Variants in ARNT2 observed in about 807,000 individuals in gnomAD.
The protein encoded by ARNT2 is ARNT protein 2.
A neutral mutation model predicts 91.7 loss-of-function variants in ARNT2; 36 were observed. The ratio of observed to expected loss-of-function variants is 0.39; its 90% confidence interval spans 0.30 to 0.52. The LOEUF (loss-of-function observed/expected upper bound fraction) is 0.52, where lower values mean the gene tolerates loss of function less well. ARNT2 is among the 20% of genes least tolerant of loss of function. The probability of loss-of-function intolerance (pLI) is 0.72; values close to 1 mark genes in which losing one functional copy is unlikely to be tolerated. For synonymous variants in ARNT2, 365 were observed against 347.1 expected, an observed-to-expected ratio of 1.05 and a Z score of -0.57; for missense variants, 775 against 939.3, an observed-to-expected ratio of 0.83 and a Z score of 2.29.
chr15:80,566,434 C>G (rs1366211162), intron 12 of ARNT2, among the ~76,000 whole-genome samples: 2 of 152,210 alleles, frequency 1.3e-5, no homozygotes, highest in Non-Finnish European at 2.9e-5. Context: ...TTCTTCATCT[C>G]CCTGCACGTC....
chr15:80,463,454 A>C (rs1896590912), intron 3 of ARNT2, among the ~76,000 whole-genome samples: 2 of 152,180 alleles, frequency 1.3e-5, no homozygotes, highest in South Asian at 2.1e-4. Context: ...GCTTATGAGC[A>C]ACTAAAGTTG....
intron 15 of ARNT2, among the ~76,000 whole-genome samples, chr15:80,578,061 G>A (rs1000490386): frequency 4.5e-4 from 69 of 151,808 alleles, no homozygotes; most frequent in Non-Finnish European, 5.0e-4. Flanking sequence ...TACTCAGCAC[G>A]CACTGACCGA....
At chr15:80,548,367 A>G (rs993668112) in intron 8 of ARNT2, among the ~76,000 whole-genome samples, 1 of 152,198 alleles carries the variant, frequency 6.6e-6, no homozygotes. Context: ...TTCCACTAAG[A>G]TCAGAAACAA....
intron 5 of ARNT2, among the ~76,000 whole-genome samples, chr15:80,481,370 G>C (rs1248211402): frequency 1.3e-5 from 2 of 152,158 alleles, no homozygotes; most frequent in East Asian, 1.9e-4. Flanking sequence ...GCCTGGGAGA[G>C]AGGACGTCTG....
chr15:80,529,376 G>T (rs754241319), intron 8 of ARNT2, among the ~76,000 whole-genome samples: 1 of 152,250 alleles, frequency 6.6e-6, no homozygotes, highest in Non-Finnish European at 1.5e-5. Context: ...GCATTGCATA[G>T]TGGGGGATCC....
chr15:80,543,214 G>A (rs1897940203), intron 8 of ARNT2, among the ~76,000 whole-genome samples: 1 of 151,904 alleles, frequency 6.6e-6, no homozygotes. Flanking sequence ...GAAGGAAGCT[G>A]ACATTCAGGC....
chr15:80,457,089 A>G (rs1896491908), intron 2 of ARNT2, among the ~76,000 whole-genome samples: 1 of 152,116 alleles, frequency 6.6e-6, no homozygotes, highest in Middle Eastern at 3.4e-3. Context: ...GACACCAATT[A>G]AGTACCCCCT....
chr15:80,555,292 C>T, intron 11 of ARNT2, 153 bp downstream of exon 11: 1 of 676,652 alleles, frequency 1.5e-6, no homozygotes, highest in South Asian at 1.9e-5. Flanking sequence ...CACTCACAGT[C>T]TAGTAGGGAA....
chr15:80,443,552 G>A (rs984297113), intron 1 of ARNT2, among the ~76,000 whole-genome samples: 4 of 152,166 alleles, frequency 2.6e-5, no homozygotes, highest in Non-Finnish European at 4.4e-5. Context: ...AAGCAGCAGC[G>A]GAGGCAGCGC....
At chr15:80,463,851 T>G (rs183620393) in intron 3 of ARNT2, among the ~76,000 whole-genome samples, 432 of 152,304 alleles carry the variant, frequency 2.8e-3, no homozygotes, top group Non-Finnish European at 4.5e-3. Context: ...ATTATAGGTG[T>G]GAGCCACTGT....
intron 5 of ARNT2, 67 bp from the exon 6 acceptor site, chr15:80,508,089 C>A: frequency 6.7e-7 from 1 of 1,503,140 alleles, no homozygotes; most frequent in Non-Finnish European, 9.2e-7. Context: ...AAGCACTCCC[C>A]GAACTCCCTC....
At chr15:80,485,529 GTGT>G (rs1293901933) in intron 5 of ARNT2, among the ~76,000 whole-genome samples, 1 of 152,206 alleles carries the variant, frequency 6.6e-6, no homozygotes, top group African/African-American at 2.4e-5. Context: ...ACTGTGGTAG[GTGT>G]TGTGGAGGAA....
chr15:80,466,950 A>T (rs1339597271), intron 3 of ARNT2, among the ~76,000 whole-genome samples: 1 of 152,196 alleles, frequency 6.6e-6, no homozygotes, highest in Non-Finnish European at 1.5e-5. Flanking sequence ...TCTGTTTAAG[A>T]TTCCCCATAT....
Position 80,450,857 on chromosome 15 carries a change from CTCTTG to C in ARNT2, c.32-18_32-14del. On this transcript the variant is annotated intron_variant, in intron 1 of 18. Transcript: ENST00000303329. ...TGGGCTTTTCTGGCATTGACAAAAC[CTCTTG>C]TCTTTGCTGAATTCCAGAAATGGCT... The C allele has an allele frequency of 6.2e-7, 1 of 1,612,002 alleles. No homozygotes were observed. The highest frequency in any genetic ancestry group is 8.5e-7 in the Non-Finnish European group (1 of 1,178,094).
intron 17 of ARNT2, among the ~76,000 whole-genome samples, chr15:80,584,838 C>T (rs1223279676): frequency 6.6e-6 from 1 of 152,220 alleles, no homozygotes; most frequent in Non-Finnish European, 1.5e-5. Flanking sequence ...ATCCCAGCCT[C>T]CTGCTTCTGG....
intron 11 of ARNT2, among the ~76,000 whole-genome samples, chr15:80,558,269 G>C (rs1314687741): frequency 6.6e-6 from 1 of 150,892 alleles, no homozygotes; most frequent in Non-Finnish European, 1.5e-5. Flanking sequence ...TGTTTGGGGG[G>C]TTGTTTTTCT....
chr15:80,448,428 C>T (rs1896337194), intron 1 of ARNT2, among the ~76,000 whole-genome samples: 1 of 152,204 alleles, frequency 6.6e-6, no homozygotes, highest in Non-Finnish European at 1.5e-5. Flanking sequence ...TGCCTTGCTC[C>T]CTTCATCTGT....
chr15:80,509,340 G>A (rs1206455986), intron 6 of ARNT2, among the ~76,000 whole-genome samples: 1 of 152,120 alleles, frequency 6.6e-6, no homozygotes, highest in Non-Finnish European at 1.5e-5. Flanking sequence ...TACTCAGGAG[G>A]CTGAGGTGAG....
At chr15:80,572,399 G>A (rs552101669) in intron 12 of ARNT2, among the ~76,000 whole-genome samples, 2 of 151,882 alleles carry the variant, frequency 1.3e-5, no homozygotes, top group African/African-American at 4.8e-5. Flanking sequence ...TGCATTCCTG[G>A]TGGTTCCTCC....
Sources: gnomAD v4.1 joint callset for allele counts (sites outside exome capture counted in the v4.1 genomes callset) on GRCh38, gnomAD v4.1.1 for gene constraint, MANE v1.5 for transcripts, NCBI Gene and HGNC (gene_info 2026-07-23, HGNC 2026-07-21) for gene names.